The following NR2C1 variants were observed in gnomAD, a reference collection of about 807,000 sequenced individuals.
NR2C1 encodes TR2 nuclear hormone receptor.
NR2C1 carries 33 observed loss-of-function variants against 74.8 expected under a neutral mutation model. That is an observed-to-expected ratio of 0.44 (90% CI 0.33 to 0.59). The LOEUF (loss-of-function observed/expected upper bound fraction) is 0.59. Ranked by LOEUF, NR2C1 falls within the 20% of genes least tolerant of loss-of-function variation. The pLI is 0.02. For missense variants in NR2C1, 568 were observed against 715.6 expected (o/e 0.79, Z 2.35); for synonymous variants, 225 against 240.6 (o/e 0.94, Z 0.60).
Position 95,021,847 on chromosome 12 carries a change from G to C in NR2C1, c.*382C>G, listed in dbSNP as rs774567381. 3.9e-5 allele frequency: 6 copies of C among 154,482 alleles called. No homozygotes were observed. The highest frequency in any genetic ancestry group is 8.6e-5 in the Non-Finnish European group (6 of 69,776). The allele number at this position is 154,482 out of a possible 1,614,324, so 9.6% of individuals were successfully genotyped here. ...CTCCTTAGGGATTTCTGACCATTAA[G>C]TATTTTTACTAGTTCATAATGAAGT... On this transcript the variant is annotated 3_prime_UTR_variant, in exon 14 of 14. Transcript: ENST00000333003.
chr12:95,073,144 C>CCGCCCCTGT (rs1555214352), intron 1 of NR2C1: 4 of 153,308 alleles, frequency 2.6e-5, no homozygotes, highest in Non-Finnish European at 5.8e-5. Flanking sequence ...CCGCGTCCCG[C>CCGCCCCTGT]CGCCCCTGTC....
chr12:95,063,259 C>T (rs2136192242), intron 2 of NR2C1, among the ~76,000 whole-genome samples: 1 of 152,244 alleles, frequency 6.6e-6, no homozygotes, highest in South Asian at 2.1e-4. Context: ...CAGACCAAGG[C>T]TTAGGACTAC....
chr12:95,045,041 A>G (rs1008862006), intron 9 of NR2C1, among the ~76,000 whole-genome samples: 1 of 152,186 alleles, frequency 6.6e-6, no homozygotes, highest in Non-Finnish European at 1.5e-5. Context: ...TCATCTCCAC[A>G]CAAATAGAAA....
At chr12:95,029,868 A>C (rs1199626420) in intron 11 of NR2C1, among the ~76,000 whole-genome samples, 1 of 149,650 alleles carries the variant, frequency 6.7e-6, no homozygotes, top group African/African-American at 2.5e-5. Flanking sequence ...CCCCCTCCCC[A>C]CCCTTTTTAT....
At chr12:95,063,534 AG>A (rs1875115747) in intron 2 of NR2C1, among the ~76,000 whole-genome samples, 2 of 152,146 alleles carry the variant, frequency 1.3e-5, no homozygotes, top group South Asian at 4.1e-4. Context: ...GAGGAGTGAC[AG>A]GATTTTATTT....
chr12:95,072,161 C>G (rs1407434017), intron 1 of NR2C1, among the ~76,000 whole-genome samples: 2 of 151,402 alleles, frequency 1.3e-5, no homozygotes, highest in Non-Finnish European at 2.9e-5. Flanking sequence ...CGCCTGTAAT[C>G]CCAGTACTTT....
chr12:95,049,666 ATAC>A (rs1009650264), intron 8 of NR2C1, among the ~76,000 whole-genome samples: 10 of 151,604 alleles, frequency 6.6e-5, no homozygotes, highest in African/African-American at 2.2e-4. Flanking sequence ...TATATATATG[ATAC>A]TACAAGACTA....
At chr12:95,029,113 G>A (rs1046838151) in intron 11 of NR2C1, among the ~76,000 whole-genome samples, 1 of 152,084 alleles carries the variant, frequency 6.6e-6, no homozygotes, top group Non-Finnish European at 1.5e-5. Context: ...ACAGGGTCTC[G>A]CTCTGTTGCC....
chr12:95,063,633 G>A (rs1025877112), intron 2 of NR2C1, among the ~76,000 whole-genome samples: 44 of 151,398 alleles, frequency 2.9e-4, no homozygotes, highest in African/African-American at 1.0e-3. Flanking sequence ...TTGAGGCCAG[G>A]AGTTCGAGAC....
rs558253789 is a variant in NR2C1, at chr12:95,073,466, G to A, written c.-94C>T. The A allele has an allele frequency of 9.8e-5, 15 of 152,452 alleles. No homozygotes were observed. The highest frequency in any genetic ancestry group is 4.6e-4 in the Admixed American group (7 of 15,312). The allele number at this position is 152,452 out of a possible 1,614,324, so 9.4% of individuals were successfully genotyped here. On this transcript the variant is annotated 5_prime_UTR_variant, in exon 1 of 14. Coordinates refer to ENST00000333003, the MANE Select transcript of NR2C1 (RefSeq NM_003297.4). Reference sequence around the variant, plus strand: ...CACTCGTGGATTGGGGGGCGCTCCGGGAAGAGAGGTTGAAGAAAGCCGACG... The same window carrying A: ...CACTCGTGGATTGGGGGGCGCTCCGAGAAGAGAGGTTGAAGAAAGCCGACG...
At chr12:95,034,536 A>G (rs1016811420) in intron 10 of NR2C1, among the ~76,000 whole-genome samples, 5 of 152,218 alleles carry the variant, frequency 3.3e-5, no homozygotes, top group East Asian at 1.9e-4. Context: ...GTACCCATCG[A>G]AAGTTGAAAT....
intron 13 of NR2C1, 26 bp from the exon 14 acceptor site, chr12:95,022,429 A>T (rs1438271849): frequency 1.3e-6 from 2 of 1,580,520 alleles, no homozygotes; most frequent in African/African-American, 2.7e-5. Flanking sequence ...AAAAAGGGAG[A>T]GGAACAAGGT....
At chr12:95,023,303 G>A (rs978103865) in intron 13 of NR2C1, among the ~76,000 whole-genome samples, 3 of 152,100 alleles carry the variant, frequency 2.0e-5, no homozygotes, top group Non-Finnish European at 4.4e-5. Context: ...AGAATTGCTT[G>A]AACCTAGGAG....
At chr12:95,059,825 T>TGTGGTA in intron 4 of NR2C1, 81 bp downstream of exon 4, 1 of 913,442 alleles carries the variant, frequency 1.1e-6, no homozygotes, top group Non-Finnish European at 1.7e-6. Context: ...AACATGGTAG[T>TGTGGTA]GTGGTAGTTA....
intron 11 of NR2C1, among the ~76,000 whole-genome samples, chr12:95,029,975 C>G (rs144448310): frequency 2.6e-5 from 4 of 152,196 alleles, no homozygotes; most frequent in East Asian, 1.9e-4. Flanking sequence ...CTCAAGTAAT[C>G]CTCTGCCTCA....
At position 95,060,001 on chromosome 12, in the gene NR2C1, A is replaced by AT. The variant is rs371730240; in HGVS notation, c.286-18_286-17insA. 164 of 1,548,088 alleles carry AT rather than the reference A, an allele frequency of 1.1e-4. No individual in the cohort carries two copies. In the South Asian group the frequency reaches 1.9e-3, roughly 18 times the overall value. On this transcript the variant is annotated splice_polypyrimidine_tract_variant and intron_variant, in intron 3 of 13. Coordinates refer to ENST00000333003, the MANE Select transcript of NR2C1 (RefSeq NM_003297.4). ...TGTTAGGAGCTAAAAAAAAAAAAAA[A>AT]AAAAAAGAAAACAAAAACGAAAACC...
chr12:95,031,199 T>G, intron 11 of NR2C1, 150 bp downstream of exon 11: 1 of 677,122 alleles, frequency 1.5e-6, no homozygotes, highest in Non-Finnish European at 2.2e-6. Context: ...AGTAAATTTA[T>G]AAAATTGTAA....
intron 2 of NR2C1, among the ~76,000 whole-genome samples, chr12:95,065,368 A>G (rs2136197627): frequency 6.6e-6 from 1 of 152,298 alleles, no homozygotes; most frequent in Admixed American, 6.5e-5. Flanking sequence ...ATTTTAGTAG[A>G]GATGGGGTTT....
chr12:95,047,135 C>T (rs1286726044), intron 9 of NR2C1, among the ~76,000 whole-genome samples: 2 of 152,168 alleles, frequency 1.3e-5, no homozygotes, highest in Non-Finnish European at 2.9e-5. Flanking sequence ...ACAATGGGTC[C>T]TGTTCCTACA....
Sources: allele counts gnomAD v4.1 joint callset (sites outside exome capture counted in the v4.1 genomes callset), GRCh38; gene constraint gnomAD v4.1.1; transcripts MANE v1.5; gene names NCBI Gene and HGNC (gene_info 2026-07-23, HGNC 2026-07-21).